The following ATAD5 variants were observed in gnomAD, a reference collection of about 807,000 sequenced individuals.
ATAD5 encodes the protein ATPase family AAA domain containing 5.
In ATAD5, 58 loss-of-function variants were observed where a neutral mutation model predicts 176.9. That is an observed-to-expected ratio of 0.33 (90% CI 0.27 to 0.41). The LOEUF (loss-of-function observed/expected upper bound fraction) is 0.41. Among genes scored for constraint, ATAD5 ranks in the 10% least tolerant of loss-of-function variants. The probability of loss-of-function intolerance (pLI) is 1.00; values close to 1 mark genes in which losing one functional copy is unlikely to be tolerated. For synonymous variants in ATAD5, 640 were observed against 712.6 expected (o/e 0.90, Z 1.62); for missense variants, 1,789 against 2,094.1 (o/e 0.85, Z 2.84).
intron 20 of ATAD5, 34 bp from the exon 21 acceptor site, chr17:30,893,260 C>T: frequency 4.6e-6 from 7 of 1,535,604 alleles, no homozygotes; most frequent in Non-Finnish European, 6.1e-6. Context: ...CTATGTACTG[C>T]TGTAACATTT....
At chr17:30,882,213 G>A (rs1025107900) in intron 18 of ATAD5, among the ~76,000 whole-genome samples, 2 of 151,712 alleles carry the variant, frequency 1.3e-5, no homozygotes. Context: ...CCAAGATCGC[G>A]CCATTGCACT....
At chr17:30,850,831 TTTTATA>T (rs1482729447) in intron 6 of ATAD5, among the ~76,000 whole-genome samples, 3,181 of 62,260 alleles carry the variant, frequency 0.051, 206 homozygotes, top group Non-Finnish European at 0.057. Flanking sequence ...ATTTATATAT[TTTTATA>T]TATATATATA....
intron 6 of ATAD5, among the ~76,000 whole-genome samples, chr17:30,847,045 A>T (rs747632211): frequency 6.6e-6 from 1 of 151,904 alleles, no homozygotes; most frequent in Non-Finnish European, 1.5e-5. Flanking sequence ...ACAAATGTAC[A>T]TACCTGTAAT....
intron 10 of ATAD5, among the ~76,000 whole-genome samples, chr17:30,865,219 C>T (rs923221527): frequency 1.3e-4 from 19 of 149,576 alleles, no homozygotes; most frequent in African/African-American, 3.7e-4. Flanking sequence ...GTCGCCCAGG[C>T]TAGAGTGCAG....
chr17:30,847,446 T>G (rs1376549816), intron 6 of ATAD5, among the ~76,000 whole-genome samples: 1 of 151,794 alleles, frequency 6.6e-6, no homozygotes, highest in Non-Finnish European at 1.5e-5. Context: ...TTCTCCTGCC[T>G]CAGACTCCCG....
At chr17:30,846,098 T>C (rs1169609199) in intron 6 of ATAD5, among the ~76,000 whole-genome samples, 1 of 152,218 alleles carries the variant, frequency 6.6e-6, no homozygotes, top group Non-Finnish European at 1.5e-5. Flanking sequence ...ATCTTCTTTT[T>C]AGCTCAGAAA....
At chr17:30,885,711 G>A (rs571117925) in intron 18 of ATAD5, among the ~76,000 whole-genome samples, 2 of 136,054 alleles carry the variant, frequency 1.5e-5, no homozygotes, top group South Asian at 4.5e-4. Context: ...TCGGCTCACT[G>A]CAACCTCCAC....
chr17:30,844,835 G>GA lies in ATAD5; in HGVS notation c.2374dup (p.Met792AsnfsTer17). 1 of 1,586,278 alleles carries GA rather than the reference G, an allele frequency of 6.3e-7. No homozygotes were observed. The highest frequency in any genetic ancestry group is 1.8e-5 in the Admixed American group (1 of 55,184). ...TAACCCAAGTATTTATTTTTCTAAG[G>GA]AAAAATGAAAGTCGCTCCTTTATTT... On this transcript the variant is annotated frameshift_variant and splice_region_variant, in exon 6 of 23. Transcript: ENST00000321990. LOFTEE classifies it high-confidence loss of function.
At chr17:30,863,377 T>C (rs1333319823) in intron 10 of ATAD5, among the ~76,000 whole-genome samples, 6 of 148,786 alleles carry the variant, frequency 4.0e-5, no homozygotes, top group Non-Finnish European at 1.5e-5. Flanking sequence ...TGTATTTTTT[T>C]TTTTTTTGAG....
intron 11 of ATAD5, among the ~76,000 whole-genome samples, chr17:30,867,287 C>T (rs1908057488): frequency 6.6e-6 from 1 of 152,090 alleles, no homozygotes. Flanking sequence ...GGATTCTGAG[C>T]CACTCAGGAG....
intron 11 of ATAD5, among the ~76,000 whole-genome samples, chr17:30,866,963 A>G (rs187380638): frequency 6.6e-6 from 1 of 152,294 alleles, no homozygotes; most frequent in Admixed American, 6.5e-5. Context: ...ATCTGGTCCA[A>G]AGGATTTCAT....
At chr17:30,846,039 A>G (rs1024445049) in intron 6 of ATAD5, among the ~76,000 whole-genome samples, 1 of 152,224 alleles carries the variant, frequency 6.6e-6, no homozygotes, top group African/African-American at 2.4e-5. Context: ...TTAAGCACAC[A>G]TATCTTAAGT....
intron 21 of ATAD5, 100 bp from the exon 22 acceptor site, chr17:30,894,464 C>A: frequency 8.8e-7 from 1 of 1,141,990 alleles, no homozygotes; most frequent in Non-Finnish European, 1.2e-6. Flanking sequence ...GAAATGTCAT[C>A]TGGTCTAGAC....
At chr17:30,852,630 C>T (rs565583947) in intron 6 of ATAD5, among the ~76,000 whole-genome samples, 2 of 152,222 alleles carry the variant, frequency 1.3e-5, no homozygotes, top group South Asian at 2.1e-4. Context: ...TGTACAGCAT[C>T]GGCTTGGCTG....
intron 14 of ATAD5, among the ~76,000 whole-genome samples, chr17:30,871,591 C>T (rs1310243364): frequency 6.6e-6 from 1 of 152,020 alleles, no homozygotes; most frequent in African/African-American, 2.4e-5. Context: ...CTCAGGTGAT[C>T]CACCCCCCAT....
Position 30,887,234 on chromosome 17 carries a change from A to G in ATAD5, c.4120A>G (p.Asn1374Asp), listed in dbSNP as rs1216768947. The G allele has an allele frequency of 1.9e-6, 3 of 1,596,254 alleles. No homozygotes were observed. The change falls in exon 19 of 23, where the codon AAT (asparagine) becomes GAT (aspartate). Residue 1374 changes from asparagine (N) to aspartate (D), a missense_variant. Physicochemically the swap from Asn to Asp is conservative, Grantham distance 23. This residue lies in a region of ATAD5 where 194 missense variants were observed against 270.1 expected (regional missense o/e 0.72). Transcript: ENST00000321990. The stretch of plus-strand genomic sequence containing the variant: ...CCTACAAATGATTTGCTTAACTGAG[A>G]ATTTTAGAACTGATGTAAAAGACTT... ...SYLQMICLTE[N>D]FRTDVKDFVT...
rs777395193 is a variant in ATAD5 at position 30,840,647 on chromosome 17, G to A, written c.2107G>A (p.Ala703Thr). 5 of 1,568,448 alleles carry A rather than the reference G, an allele frequency of 3.2e-6. No individual in the cohort carries two copies. Among genetic ancestry groups the A allele is most frequent in the Non-Finnish European group, 4.3e-6 (5 of 1,159,442 alleles). The change falls in exon 4 of 23, where the codon GCA becomes ACA. Residue 703 changes from alanine to threonine, a missense_variant. Ala to Thr is a moderately conservative substitution (Grantham distance 58). Transcript: ENST00000321990. ...CAATACTTCAAAAAACATATCAAAA[G>A]CAAAACAATTGATTGAAAAAGCAAA... ...ASNTSKNISK[A>T]KQLIEKAKAL...
At chr17:30,871,963 C>G (rs1908363491) in intron 14 of ATAD5, among the ~76,000 whole-genome samples, 1 of 152,100 alleles carries the variant, frequency 6.6e-6, no homozygotes, top group Non-Finnish European at 1.5e-5. Flanking sequence ...AATCTGTTGC[C>G]AAGGCTGGAG....
At chr17:30,871,222 G>A (rs1399927786) in intron 14 of ATAD5, among the ~76,000 whole-genome samples, 2 of 146,448 alleles carry the variant, frequency 1.4e-5, no homozygotes, top group African/African-American at 5.1e-5. Context: ...GTTTGATTTG[G>A]GTCCTTTTTA....
Sources: gnomAD v4.1 joint callset for allele counts (sites outside exome capture counted in the v4.1 genomes callset) on GRCh38, gnomAD v4.1.1 for gene constraint, gnomAD v4.1.1 regional missense constraint, MANE v1.5 for transcripts, NCBI Gene and HGNC (gene_info 2026-07-23, HGNC 2026-07-21) for gene names.